The following ADCY9 variants were observed in gnomAD, a reference collection of about 807,000 sequenced individuals.
The protein encoded by ADCY9 is adenylate cyclase type 9.
In ADCY9, 50 loss-of-function variants were observed where a neutral mutation model predicts 101.5. The ratio of observed to expected loss-of-function variants is 0.49; its 90% CI spans 0.39 to 0.62. ADCY9 has a LOEUF of 0.62. Ranked by LOEUF, ADCY9 falls within the 20% of genes least tolerant of loss-of-function variation. ADCY9 has a pLI of 0.00. For synonymous variants in ADCY9, 905 were observed against 769.3 expected (o/e 1.18, Z -2.92); for missense variants, 1,662 against 1,800.4 (o/e 0.92, Z 1.39).
chr16:4,051,351 C>T (rs936124642), intron 2 of ADCY9, among the ~76,000 whole-genome samples: 3 of 151,888 alleles, frequency 2.0e-5, no homozygotes, highest in Admixed American at 1.3e-4. Flanking sequence ...CAGTGAAACC[C>T]CGTCTCTACT....
At chr16:4,081,332 C>G (rs1162500422) in intron 2 of ADCY9, among the ~76,000 whole-genome samples, 2 of 152,224 alleles carry the variant, frequency 1.3e-5, no homozygotes, top group African/African-American at 4.8e-5. Context: ...TGTCACCATC[C>G]TCAGAACCAG....
chr16:4,035,998 C>CAAA (rs55792873), intron 2 of ADCY9, among the ~76,000 whole-genome samples: 371 of 23,152 alleles, frequency 0.016, 60 homozygotes, highest in African/African-American at 0.037. Flanking sequence ...AACTCCATCT[C>CAAA]AAAAAAAAAA....
intron 2 of ADCY9, among the ~76,000 whole-genome samples, chr16:4,036,058 C>G (rs375850549): frequency 7.8e-6 from 1 of 128,412 alleles, no homozygotes; most frequent in East Asian, 2.6e-4. Context: ...CCTCCCTTCA[C>G]TAAAGACAAG....
intron 2 of ADCY9, among the ~76,000 whole-genome samples, chr16:4,012,332 T>C (rs145972455): frequency 7.5e-4 from 114 of 151,996 alleles, no homozygotes; most frequent in African/African-American, 2.6e-3. Context: ...GCCTGAGAAA[T>C]ACATCAGGAC....
intron 2 of ADCY9, among the ~76,000 whole-genome samples, chr16:4,106,375 G>C (rs1362012081): frequency 6.6e-6 from 1 of 152,126 alleles, no homozygotes; most frequent in Non-Finnish European, 1.5e-5. Flanking sequence ...TCCACCCTCT[G>C]ATGCAGCCCA....
chr16:4,083,652 C>T lies in ADCY9; in HGVS notation c.1693+30098G>A, dbSNP rs113694682. ...GGATAATCAACAAAGATAAACAAAA[C>T]GCAATGGAATATTATTCAGCCATGA... On this transcript the variant is annotated intron_variant, in intron 2 of 10. Coordinates refer to ENST00000294016, the MANE Select transcript of ADCY9 (RefSeq NM_001116.4). Among the ~76,000 whole-genome samples, 85 of 152,264 alleles carry T rather than the reference C, an allele frequency of 5.6e-4. 1 individual carries two copies. The highest frequency in any genetic ancestry group is 1.2e-3 in the African/African-American group (48 of 41,558).
At position 3,966,635 on chromosome 16, in the gene ADCY9, T is replaced by C. The variant is rs146567172; in HGVS notation, c.3202A>G (p.Ser1068Gly). 25 of 1,614,142 alleles carry C rather than the reference T, an allele frequency of 1.5e-5. No individual in the cohort carries two copies. The East Asian group carries it at 3.6e-4, about 23-fold the overall frequency. ...GVIFASIVNF[S>G]EFYEENYEGG... is the part of the protein sequence containing the mutation. ...TCGTAGTTCTCCTCGTAGAACTCGC[T>C]GAAGTTGACGATGCTGGCGAAGATC... The change falls in exon 11 of 11, where the codon AGC becomes GGC. Residue 1068 changes from serine (S) to glycine (G), a missense_variant. This residue lies in a region of ADCY9 where 220 missense variants were observed against 312.9 expected (regional missense o/e 0.70). Coordinates refer to ENST00000294016, the MANE Select transcript of ADCY9 (RefSeq NM_001116.4).
intron 5 of ADCY9, among the ~76,000 whole-genome samples, chr16:3,956,505 G>T (rs1176672077): frequency 3.4e-3 from 20 of 5,888 alleles, no homozygotes; most frequent in Non-Finnish European, 4.9e-3. Flanking sequence ...TTTTTTTTTG[G>T]GGGGGGATGG....
intron 2 of ADCY9, among the ~76,000 whole-genome samples, chr16:4,073,340 G>GC (rs2056846800): frequency 6.6e-6 from 1 of 151,614 alleles, no homozygotes; most frequent in South Asian, 2.1e-4. Flanking sequence ...ACTCTCCTCA[G>GC]CCTCCCAAAG....
intron 7 of ADCY9, 43 bp from the exon 8 acceptor site, chr16:3,979,318 G>A (rs1162487983): frequency 1.2e-6 from 2 of 1,605,482 alleles, no homozygotes; most frequent in Non-Finnish European, 8.5e-7. Flanking sequence ...GGGGCCCGGG[G>A]TGGGTCATCG....
Position 4,114,221 on chromosome 16 carries a change from C to T in ADCY9, c.1222G>A (p.Ala408Thr), listed in dbSNP as rs1321227540. 6.2e-7 allele frequency: 1 copy of T among 1,613,948 alleles called. No individual in the cohort carries two copies. The highest frequency in any genetic ancestry group is 1.7e-5 in the Admixed American group (1 of 60,014). The change falls in exon 2 of 11, where the codon GCC becomes ACC. Residue 408 changes from alanine to threonine, a missense_variant. Physicochemically the swap from Ala to Thr is moderately conservative, Grantham distance 58 (BLOSUM62 0). Around this residue, in one of 5 missense-constraint regions of ADCY9, gnomAD observed 228 missense variants for 301.1 expected, o/e 0.76. Coordinates refer to ENST00000294016, the MANE Select transcript of ADCY9 (RefSeq NM_001116.4). The surrounding 1 kb of genome is among the most constrained non-coding windows in gnomAD (Gnocchi z 4.3). ...ACCAGGGCGTGGGCAGACTTGTTGG[C>T]ACTCATCTTGGTGAAGCCCACGATA... is the stretch of plus-strand genomic sequence containing the variant. ...ADIVGFTKMS[A>T]NKSAHALVGL...
chr16:3,977,699 A>C, intron 8 of ADCY9, 69 bp from the exon 9 acceptor site: 1 of 1,534,618 alleles, frequency 6.5e-7, no homozygotes, highest in Non-Finnish European at 8.8e-7. Flanking sequence ...CCCGGCCGCC[A>C]AAACATTCGC....
intron 10 of ADCY9, among the ~76,000 whole-genome samples, chr16:3,969,580 A>ATATATATATATG (rs1220466706): frequency 8.7e-5 from 3 of 34,654 alleles, no homozygotes; most frequent in Admixed American, 5.8e-4. Context: ...ATATATATAT[A>ATATATATATATG]TATATATATA....
chr16:3,995,523 T>C (rs2141707125), intron 3 of ADCY9, among the ~76,000 whole-genome samples: 1 of 152,246 alleles, frequency 6.6e-6, no homozygotes. Flanking sequence ...TTATTATTAA[T>C]GTGACCAGGT....
chr16:3,974,611 G>GC, intron 10 of ADCY9, 58 bp downstream of exon 10: 1 of 1,408,242 alleles, frequency 7.1e-7, no homozygotes, highest in Non-Finnish European at 1.0e-6. Context: ...TTCGAAATGG[G>GC]CAGGGTAATA....
chr16:4,050,698 A>T (rs2056695396), intron 2 of ADCY9, among the ~76,000 whole-genome samples: 1 of 105,542 alleles, frequency 9.5e-6, no homozygotes, highest in Non-Finnish European at 1.8e-5. Context: ...TGGCAACAAG[A>T]GTGAAACTCC....
Position 3,966,865 on chromosome 16 carries a change from A to G in ADCY9, c.2972T>C (p.Leu991Ser). ...TTCGCGATTCAGGAACCAGACCAAC[A>G]AGAGCAGGAGAAAGAAGACGAGAAC... is the stretch of plus-strand genomic sequence containing the variant. Reference protein sequence around the residue: ...EVVLVFFLLLLLVWFLNREFE... With the variant: ...EVVLVFFLLLSLVWFLNREFE... The change falls in exon 11 of 11, where the codon TTG becomes TCG. Residue 991 changes from leucine (L) to serine (S), a missense_variant. Coordinates refer to ENST00000294016, the MANE Select transcript of ADCY9 (RefSeq NM_001116.4). 6.2e-7 allele frequency: 1 copy of G among 1,614,210 alleles called. No individual in the cohort carries two copies. Among genetic ancestry groups the G allele is most frequent in the East Asian group, 2.2e-5 (1 of 44,890 alleles).
At chr16:4,008,551 T>C (rs1218409549) in intron 2 of ADCY9, among the ~76,000 whole-genome samples, 1 of 151,516 alleles carries the variant, frequency 6.6e-6, no homozygotes, top group Admixed American at 6.6e-5. Flanking sequence ...AATAAAATCA[T>C]GAACAAAGCA....
At chr16:3,976,032 C>T (rs1013576285) in intron 9 of ADCY9, among the ~76,000 whole-genome samples, 2 of 152,166 alleles carry the variant, frequency 1.3e-5, no homozygotes, top group Admixed American at 6.5e-5. Flanking sequence ...TGCTCTGTCA[C>T]CCAGGCTGGA....
Sources: allele counts gnomAD v4.1 joint callset (sites outside exome capture counted in the v4.1 genomes callset), GRCh38; gene constraint gnomAD v4.1.1; regional missense constraint gnomAD v4.1.1; non-coding constraint Gnocchi (gnomAD v3.1); transcripts MANE v1.5; gene names NCBI Gene and HGNC (gene_info 2026-07-23, HGNC 2026-07-21).